The following ZNF521 variants were observed in gnomAD, a reference collection of about 807,000 sequenced individuals.
ZNF521 encodes the protein LYST-interacting protein 3.
Under a neutral mutation model 105.5 loss-of-function variants are expected in ZNF521, and 14 were observed. The ratio of observed to expected loss-of-function variants is 0.13; its 90% CI spans 0.09 to 0.21. The LOEUF is 0.21. ZNF521 is among the 10% of genes least tolerant of loss of function. The pLI is 1.00. For missense variants in ZNF521, 1,233 were observed against 1,629.7 expected, an observed-to-expected ratio of 0.76 and a Z score of 4.19; for synonymous variants, 635 against 606.0, an observed-to-expected ratio of 1.05 and a Z score of -0.70.
At position 25,348,780 on chromosome 18, in the gene ZNF521, T is replaced by C. The variant is rs530566422; in HGVS notation, c.40+2127A>G. On this transcript the variant is annotated intron_variant, in intron 2 of 7. Transcript: ENST00000361524. ...ATAAAATGTCCTCTTTACTCATTCT[T>C]CACTTGCCATTTTTTGCTTATTAAC... Among the ~76,000 whole-genome samples the C allele has an allele frequency of 2.6e-5, 4 of 152,330 alleles. No individual in the cohort carries two copies. In the East Asian group the frequency reaches 7.7e-4, roughly 29 times the overall value.
intron 2 of ZNF521, among the ~76,000 whole-genome samples, chr18:25,348,324 T>C (rs1568092698): frequency 1.3e-5 from 2 of 152,058 alleles, no homozygotes; most frequent in Non-Finnish European, 2.9e-5. Context: ...CAAGAAGACA[T>C]AGGGAAATCA....
At chr18:25,308,835 T>C (rs1349882360) in intron 3 of ZNF521, among the ~76,000 whole-genome samples, 2 of 152,132 alleles carry the variant, frequency 1.3e-5, no homozygotes, top group African/African-American at 4.8e-5. Flanking sequence ...ATTCATTTCA[T>C]TACTTGTGGA....
At chr18:25,160,507 GCA>G (rs141449812) in intron 5 of ZNF521, among the ~76,000 whole-genome samples, 4 of 151,676 alleles carry the variant, frequency 2.6e-5, no homozygotes, top group Non-Finnish European at 4.4e-5. Context: ...CTGCACTTAT[GCA>G]CACACACACA....
intron 3 of ZNF521, among the ~76,000 whole-genome samples, chr18:25,283,419 G>A (rs569336622): frequency 6.6e-6 from 1 of 152,222 alleles, no homozygotes; most frequent in Non-Finnish European, 1.5e-5. Context: ...TCCAACATAC[G>A]CTAATTAAAA....
intron 7 of ZNF521, among the ~76,000 whole-genome samples, chr18:25,080,621 G>A (rs1265091380): frequency 6.6e-6 from 1 of 152,190 alleles, no homozygotes; most frequent in South Asian, 2.1e-4. Flanking sequence ...CCGGCTGTCC[G>A]AGGGATCGCC....
At chr18:25,313,861 G>T (rs1912460122) in intron 3 of ZNF521, among the ~76,000 whole-genome samples, 1 of 152,104 alleles carries the variant, frequency 6.6e-6, no homozygotes, top group Non-Finnish European at 1.5e-5. Context: ...TGGAGGCCAT[G>T]AAACTGCATT....
At chr18:25,195,401 C>T (rs1326127384) in intron 4 of ZNF521, among the ~76,000 whole-genome samples, 157 bp from the exon 5 acceptor site, 1 of 151,804 alleles carries the variant, frequency 6.6e-6, no homozygotes, top group Non-Finnish European at 1.5e-5. Flanking sequence ...GAATTCCTTA[C>T]TTAGACCTTA....
At chr18:25,336,137 G>A (rs537232592) in intron 2 of ZNF521, among the ~76,000 whole-genome samples, 6 of 152,256 alleles carry the variant, frequency 3.9e-5, no homozygotes, top group East Asian at 1.9e-4. Context: ...GGAGTTAACC[G>A]CCAGTCAGCA....
chr18:25,274,334 C>T (rs1036630304), intron 3 of ZNF521, among the ~76,000 whole-genome samples: 13 of 152,164 alleles, frequency 8.5e-5, no homozygotes, highest in African/African-American at 1.9e-4. Context: ...AGATATGACA[C>T]GACCAGAAGG....
At chr18:25,318,919 C>G (rs1912783473) in intron 3 of ZNF521, among the ~76,000 whole-genome samples, 2 of 150,290 alleles carry the variant, frequency 1.3e-5, no homozygotes, top group Non-Finnish European at 3.0e-5. Context: ...TTCTAAATAC[C>G]TTTGTCCTCA....
chr18:25,255,010 T>C (rs2144865370), intron 3 of ZNF521, among the ~76,000 whole-genome samples: 1 of 152,290 alleles, frequency 6.6e-6, no homozygotes, highest in East Asian at 1.9e-4. Context: ...TGTCTTACTG[T>C]ATGTGCAATT....
intron 1 of ZNF521, 51 bp downstream of exon 1, chr18:25,351,954 G>C (rs1343345024): frequency 8.9e-6 from 3 of 336,086 alleles, no homozygotes; most frequent in African/African-American, 4.4e-5. Flanking sequence ...GGAGAGCCGG[G>C]AGCAGGAGGA....
At chr18:25,221,600 T>C (rs1165947283) in intron 4 of ZNF521, among the ~76,000 whole-genome samples, 1 of 152,196 alleles carries the variant, frequency 6.6e-6, no homozygotes, top group Admixed American at 6.5e-5. Flanking sequence ...ATACCACCTA[T>C]GTTGCTAAGT....
chr18:25,236,144 A>T (rs921463388), intron 3 of ZNF521, among the ~76,000 whole-genome samples: 2 of 152,192 alleles, frequency 1.3e-5, no homozygotes, highest in Admixed American at 6.5e-5. Context: ...CACCCAGCCA[A>T]CCACCCAGCA....
At chr18:25,340,101 G>T (rs11083119) in intron 2 of ZNF521, among the ~76,000 whole-genome samples, 151 of 152,070 alleles carry the variant, frequency 9.9e-4, no homozygotes, top group Non-Finnish European at 1.9e-3. Flanking sequence ...TCACGCCTGT[G>T]ATCCCAGCAC....
At chr18:25,100,794 G>A (rs1438588966) in intron 5 of ZNF521, among the ~76,000 whole-genome samples, 1 of 152,174 alleles carries the variant, frequency 6.6e-6, no homozygotes, top group Non-Finnish European at 1.5e-5. Flanking sequence ...ACCCCTTAGA[G>A]AAATTTGCCT....
intron 5 of ZNF521, among the ~76,000 whole-genome samples, chr18:25,180,288 G>GA (rs2035609613): frequency 6.6e-6 from 1 of 152,140 alleles, no homozygotes; most frequent in African/African-American, 2.4e-5. Context: ...CCTGGACATA[G>GA]AATGCAATAT....
intron 4 of ZNF521, among the ~76,000 whole-genome samples, chr18:25,200,109 C>G (rs1257415353): frequency 6.6e-6 from 1 of 152,118 alleles, no homozygotes; most frequent in Non-Finnish European, 1.5e-5. Flanking sequence ...CTTTCACACA[C>G]TGGATTTTAA....
chr18:25,285,624 C>G (rs780852647), intron 3 of ZNF521, among the ~76,000 whole-genome samples: 6 of 152,212 alleles, frequency 3.9e-5, no homozygotes, highest in Non-Finnish European at 7.3e-5. Context: ...CAACCACCCC[C>G]TCACACGTAC....
Sources: gnomAD v4.1 joint callset for allele counts (sites outside exome capture counted in the v4.1 genomes callset) on GRCh38, gnomAD v4.1.1 for gene constraint, MANE v1.5 for transcripts, NCBI Gene and HGNC (gene_info 2026-07-23, HGNC 2026-07-21) for gene names.